Variants in CRIPTO observed in about 807,000 individuals in gnomAD.
The protein encoded by CRIPTO is cripto, EGF-CFC family member.
the CRIPTO span, chr3:46,579,676 T>C: frequency 6.5e-7 from 1 of 1,543,412 alleles, no homozygotes; most frequent in Admixed American, 1.7e-5. Context: ...AACCTTCGCT[T>C]ACAGGAATTG....
At chr3:46,581,653 G>GTGCCCGC in the CRIPTO span, 1 of 524,866 alleles carries the variant, frequency 1.9e-6, no homozygotes, top group Non-Finnish European at 3.3e-6. Flanking sequence ...GGGATTACAG[G>GTGCCCGC]CATGTGTCAC....
chr3:46,581,542 C>T, the CRIPTO span: 1 of 594,888 alleles, frequency 1.7e-6, no homozygotes, highest in Non-Finnish European at 3.0e-6. Context: ...CGGAGTCTCA[C>T]TCTGTCACCC....
At chr3:46,575,028 G>A in the CRIPTO span, among the ~76,000 whole-genome samples, 22,553 of 152,174 alleles carry the variant, frequency 0.15, 1,752 homozygotes, top group Middle Eastern at 0.18. Context: ...GGGAACCCCC[G>A]TTGCACAGCA....
chr3:46,579,569 TG>T, the CRIPTO span: 1 of 1,170,124 alleles, frequency 8.5e-7, no homozygotes. Context: ...CACTTCACAC[TG>T]GGGAACCCAG....
chr3:46,581,603 G>C, the CRIPTO span: 1 of 561,826 alleles, frequency 1.8e-6, no homozygotes, highest in Non-Finnish European at 3.1e-6. Context: ...TCCGCATCCG[G>C]GGTTCAAGCC....
chr3:46,580,805 G>A, the CRIPTO span, among the ~76,000 whole-genome samples: 1 of 152,210 alleles, frequency 6.6e-6, no homozygotes, highest in East Asian at 1.9e-4. Flanking sequence ...ACTGAGAACA[G>A]GAAGGAATTC....
the CRIPTO span, among the ~76,000 whole-genome samples, chr3:46,580,845 C>T: frequency 6.6e-6 from 1 of 152,146 alleles, no homozygotes; most frequent in African/African-American, 2.4e-5. Flanking sequence ...GTGTCTTTGC[C>T]ATTTGCATCC....
At chr3:46,579,124 T>C in the CRIPTO span, 848,123 of 1,613,650 alleles carry the variant, frequency 0.53, 224,723 homozygotes, top group South Asian at 0.59. Context: ...ATTTCTAAAG[T>C]CTTTGAACTG....
chr3:46,581,696 G>C, the CRIPTO span: 1 of 477,000 alleles, frequency 2.1e-6, no homozygotes, highest in East Asian at 3.4e-5. Flanking sequence ...ATTTTTAGTA[G>C]AGATGGGGGT....
the CRIPTO span, among the ~76,000 whole-genome samples, chr3:46,576,540 A>T: frequency 6.9e-6 from 1 of 145,804 alleles, no homozygotes; most frequent in Non-Finnish European, 1.5e-5. Context: ...ACCTCTTCCC[A>T]GCACCTGTGG....
the CRIPTO span, chr3:46,579,146 C>T: frequency 2.5e-6 from 4 of 1,613,954 alleles, no homozygotes; most frequent in South Asian, 1.1e-5. Context: ...GATTAGTTGC[C>T]GGTGAGAGAC....
chr3:46,581,808 G>T, the CRIPTO span: 231 of 235,816 alleles, frequency 9.8e-4, no homozygotes, highest in African/African-American at 4.9e-3. Flanking sequence ...ACTGTGCAAG[G>T]CCTGGTGTTT....
the CRIPTO span, among the ~76,000 whole-genome samples, chr3:46,574,741 A>G: frequency 2.0e-5 from 3 of 152,212 alleles, no homozygotes; most frequent in Non-Finnish European, 2.9e-5. Flanking sequence ...TGATAGCTAA[A>G]ATTGATCCCA....
chr3:46,580,865 G>A, the CRIPTO span, among the ~76,000 whole-genome samples: 1 of 152,214 alleles, frequency 6.6e-6, no homozygotes, highest in Non-Finnish European at 1.5e-5. Flanking sequence ...CTGGGTGTCA[G>A]GCTCAGGATA....
At chr3:46,579,519 T>A in the CRIPTO span, 2 of 1,381,482 alleles carry the variant, frequency 1.4e-6, no homozygotes, top group Non-Finnish European at 2.0e-6. Flanking sequence ...AAGGATTGTG[T>A]ATTTTACTTC....
chr3:46,577,236 TTCTA>T, the CRIPTO span: 1 of 152,206 alleles, frequency 6.6e-6, no homozygotes, highest in Non-Finnish European at 1.5e-5. Context: ...GACCCTGAAC[TTCTA>T]TCTCAGTTTC....
the CRIPTO span, chr3:46,581,857 T>C: frequency 5.7e-6 from 1 of 174,114 alleles, no homozygotes; most frequent in Non-Finnish European, 1.2e-5. Context: ...TCTTAATATG[T>C]TCTTTTAAAT....
chr3:46,579,677 A>C, the CRIPTO span: 1 of 1,542,140 alleles, frequency 6.5e-7, no homozygotes, highest in Non-Finnish European at 9.0e-7. Flanking sequence ...ACCTTCGCTT[A>C]CAGGAATTGC....
chr3:46,576,480 C>CAAAAAAAA, the CRIPTO span, among the ~76,000 whole-genome samples: 4 of 55,048 alleles, frequency 7.3e-5, no homozygotes, highest in African/African-American at 2.8e-4. Context: ...GACTCTGTCG[C>CAAAAAAAA]AAAAAAAAAA....
Sources: allele counts gnomAD v4.1 joint callset (sites outside exome capture counted in the v4.1 genomes callset), GRCh38; gene constraint gnomAD v4.1.1; transcripts MANE v1.5; gene names NCBI Gene and HGNC (gene_info 2026-07-23, HGNC 2026-07-21).